CPEB3: variants seen among roughly 807,000 people sequenced by gnomAD.
CPEB3 encodes the protein cytoplasmic polyadenylation element binding protein 3, also known as cytoplasmic polyadenylation element-binding protein 3.
Under a neutral mutation model 67.2 loss-of-function variants are expected in CPEB3, and 20 were observed. That is an observed-to-expected ratio of 0.30 (90% CI 0.21 to 0.43). The LOEUF is 0.43. Among genes scored for constraint, CPEB3 ranks in the 20% least tolerant of loss-of-function variants. The probability of loss-of-function intolerance (pLI) is 1.00; values close to 1 mark genes in which losing one functional copy is unlikely to be tolerated. For missense variants in CPEB3, 746 were observed against 968.6 expected, an observed-to-expected ratio of 0.77 and a Z score of 3.05; for synonymous variants, 376 against 393.1, an observed-to-expected ratio of 0.96 and a Z score of 0.51.
At chr10:92,221,482 G>A (rs1365804616) in intron 2 of CPEB3, among the ~76,000 whole-genome samples, 1 of 152,112 alleles carries the variant, frequency 6.6e-6, no homozygotes, top group East Asian at 1.9e-4. Context: ...AACAGAGCAA[G>A]ACTCCATCTC....
At chr10:92,166,944 G>A (rs560616739) in intron 4 of CPEB3, among the ~76,000 whole-genome samples, 1 of 152,300 alleles carries the variant, frequency 6.6e-6, no homozygotes, top group Non-Finnish European at 1.5e-5. Flanking sequence ...CTAAATCTGG[G>A]TAAGTAACTT....
chr10:92,163,749 T>TG (rs1035812829), intron 4 of CPEB3, among the ~76,000 whole-genome samples: 1 of 152,230 alleles, frequency 6.6e-6, no homozygotes, highest in African/African-American at 2.4e-5. Context: ...GTTTGATGTT[T>TG]GATAGCATTT....
intron 9 of CPEB3, 32 bp downstream of exon 9, chr10:92,081,288 C>T: frequency 6.2e-7 from 1 of 1,612,636 alleles, no homozygotes; most frequent in Non-Finnish European, 8.5e-7. Flanking sequence ...CTTTTCTCTC[C>T]CATAGCAGTT....
intron 2 of CPEB3, among the ~76,000 whole-genome samples, chr10:92,229,999 T>C (rs7096690): frequency 0.066 from 9,939 of 150,780 alleles, 1,074 homozygotes; most frequent in African/African-American, 0.23. Flanking sequence ...TGAGCCGAGA[T>C]CGCACCATTG....
At chr10:92,094,097 C>T (rs550568760) in intron 7 of CPEB3, among the ~76,000 whole-genome samples, 3 of 152,002 alleles carry the variant, frequency 2.0e-5, no homozygotes, top group South Asian at 2.1e-4. Flanking sequence ...TCAAGGGATC[C>T]GCCCACCTCG....
In CPEB3 at chr10:92,052,333, A is replaced by T. The variant is rs759325421; in HGVS notation, c.1976T>A (p.Leu659Gln). The T allele has an allele frequency of 6.2e-7, 1 of 1,614,180 alleles. No homozygotes were observed. The highest frequency in any genetic ancestry group is 1.1e-5 in the South Asian group (1 of 91,086). The change falls in exon 10 of 10, where the codon CTG becomes CAG. Residue 659 changes from leucine (L) to glutamine (Q), a missense_variant. This residue lies in a region of CPEB3 where 103 missense variants were observed against 251.1 expected (regional missense o/e 0.41). Transcript: ENST00000265997. ...CCAGCAGTATTCACAGTAATACTGC[A>T]GACAGGTGACGTTGGCACAGAAGAA... Reference protein sequence around the residue: ...APFFCANVTCLQYYCEYCWAS... With the variant: ...APFFCANVTCQQYYCEYCWAS...
At chr10:92,284,080 C>G (rs1288188996) in intron 1 of CPEB3, among the ~76,000 whole-genome samples, 2 of 145,912 alleles carry the variant, frequency 1.4e-5, no homozygotes, top group African/African-American at 5.1e-5. Context: ...CACTCTGTCA[C>G]CAGGCTGGAG....
chr10:92,181,226 TA>T lies in CPEB3; in HGVS notation c.1166-208del, dbSNP rs201607487. Among the ~76,000 whole-genome samples the T allele has an allele frequency of 6.7e-5, 10 of 148,218 alleles. No homozygotes were observed. In the South Asian group the frequency reaches 1.3e-3, roughly 19 times the overall value. On this transcript the variant is annotated intron_variant, in intron 3 of 9. Transcript: ENST00000265997. ...AGCCAAAGTTTCAACAACAAATAAA[TA>T]AAAAAAAACAAAAAAAGAAGCTTCT...
chr10:92,102,609 A>G lies in CPEB3; in HGVS notation c.1572+8467T>C, dbSNP rs1048320711. On this transcript the variant is annotated intron_variant, in intron 7 of 9. Coordinates refer to ENST00000265997, the MANE Select transcript of CPEB3 (RefSeq NM_014912.5). ...CGAACAATTCGGTATACTGTTTCAT[A>G]AGGGCACTCAGTGCAGAAATACAGC... Among the ~76,000 whole-genome samples the G allele has an allele frequency of 2.0e-5, 3 of 152,098 alleles. No individual in the cohort carries two copies. In the South Asian group the frequency reaches 6.2e-4, roughly 31 times the overall value.
At chr10:92,109,600 G>A (rs1030152003) in intron 7 of CPEB3, among the ~76,000 whole-genome samples, 2 of 151,950 alleles carry the variant, frequency 1.3e-5, no homozygotes, top group African/African-American at 2.4e-5. Flanking sequence ...TCTTCTTTGG[G>A]TACAGACTTT....
chr10:92,274,582 T>C (rs1481476440), intron 1 of CPEB3, among the ~76,000 whole-genome samples: 1 of 152,198 alleles, frequency 6.6e-6, no homozygotes, highest in Non-Finnish European at 1.5e-5. Flanking sequence ...GGCTCATGCC[T>C]GTAATTCCAG....
intron 2 of CPEB3, among the ~76,000 whole-genome samples, chr10:92,205,981 A>T (rs1365633454): frequency 6.6e-6 from 1 of 152,170 alleles, no homozygotes; most frequent in Non-Finnish European, 1.5e-5. Flanking sequence ...GGTATTTAGA[A>T]GGTTAAAAAA....
intron 6 of CPEB3, among the ~76,000 whole-genome samples, chr10:92,142,039 CA>C (rs546901334): frequency 0.014 from 1,617 of 115,076 alleles, 19 homozygotes; most frequent in African/African-American, 0.044. Context: ...CAAATAAAAA[CA>C]AAAAAAAAAA....
At chr10:92,147,017 C>T (rs1590238106) in intron 4 of CPEB3, among the ~76,000 whole-genome samples, 3 of 152,292 alleles carry the variant, frequency 2.0e-5, no homozygotes, top group Admixed American at 2.0e-4. Flanking sequence ...TTCCCAAACC[C>T]ACCTCTTACC....
intron 2 of CPEB3, among the ~76,000 whole-genome samples, chr10:92,213,801 C>A (rs943739587): frequency 6.6e-6 from 1 of 152,120 alleles, no homozygotes; most frequent in African/African-American, 2.4e-5. Context: ...ATCTCCTAGT[C>A]TAGAGCTAAT....
chr10:92,142,194 T>C (rs1367127883), intron 6 of CPEB3, among the ~76,000 whole-genome samples: 1 of 152,166 alleles, frequency 6.6e-6, no homozygotes, highest in East Asian at 1.9e-4. Context: ...GGTTAAGCTA[T>C]AATTTGATTC....
At chr10:92,216,955 C>T (rs1425418599) in intron 2 of CPEB3, among the ~76,000 whole-genome samples, 4 of 151,228 alleles carry the variant, frequency 2.6e-5, no homozygotes, top group Admixed American at 2.6e-4. Context: ...GAAGGTAATG[C>T]TAGTCTTCTG....
At chr10:92,235,839 A>G (rs1454458134) in intron 2 of CPEB3, among the ~76,000 whole-genome samples, 1 of 152,244 alleles carries the variant, frequency 6.6e-6, no homozygotes, top group Non-Finnish European at 1.5e-5. Flanking sequence ...ATAGTAGTCT[A>G]GAATAGGTGC....
chr10:92,100,137 GA>G (rs1844103135), intron 7 of CPEB3, among the ~76,000 whole-genome samples: 2 of 152,142 alleles, frequency 1.3e-5, no homozygotes, highest in African/African-American at 4.8e-5. Flanking sequence ...CTTGTCTCAG[GA>G]AAACATTTTT....
Sources: gnomAD v4.1 joint callset for allele counts (sites outside exome capture counted in the v4.1 genomes callset) on GRCh38, gnomAD v4.1.1 for gene constraint, gnomAD v4.1.1 regional missense constraint, MANE v1.5 for transcripts, NCBI Gene and HGNC (gene_info 2026-07-23, HGNC 2026-07-21) for gene names.